Variants in CEP164 observed in about 807,000 individuals in gnomAD.
CEP164 encodes the protein centrosomal protein 164.
CEP164 carries 162 observed loss-of-function variants against 182.7 expected under a neutral mutation model. The observed-to-expected ratio is 0.89, with a 90% CI of 0.78 to 1.01. The LOEUF is 1.01. CEP164 is among the 50% of genes least tolerant of loss of function. The pLI is 0.00. For synonymous variants in CEP164, 661 were observed against 690.0 expected (o/e 0.96, Z 0.66); for missense variants, 1,735 against 1,790.4 (o/e 0.97, Z 0.56).
At position 117,392,486 on chromosome 11, in the gene CEP164, GCCT is replaced by G. The variant is rs763739191; in HGVS notation, c.2362-5_2362-3del. ...GTCACACTCCCCTGTGTGTGCGGGGGCCTCCTCAGGTGGTCTCCAGCCTCCAGA... is the reference window on the plus strand; with the variant it reads ...GTCACACTCCCCTGTGTGTGCGGGGGCCTCAGGTGGTCTCCAGCCTCCAGA... On this transcript the variant is annotated splice_region_variant and splice_polypyrimidine_tract_variant and intron_variant, in intron 18 of 32. Transcript: ENST00000278935. The G allele has an allele frequency of 2.5e-6, 4 of 1,611,782 alleles. No individual in the cohort carries two copies. The highest frequency in any genetic ancestry group is 2.5e-6 in the Non-Finnish European group (3 of 1,178,976).
chr11:117,393,899 G>A (rs915733971), intron 20 of CEP164, among the ~76,000 whole-genome samples: 2 of 152,214 alleles, frequency 1.3e-5, no homozygotes, highest in Non-Finnish European at 2.9e-5. Flanking sequence ...ACCCTGCAGG[G>A]TGTTAAGACT....
intron 8 of CEP164, 128 bp from the exon 9 acceptor site, chr11:117,370,952 C>A: frequency 2.1e-6 from 2 of 938,310 alleles, no homozygotes; most frequent in Non-Finnish European, 3.2e-6. Context: ...TGATTGATAA[C>A]CATTGGGGCA....
At position 117,390,913 on chromosome 11, in the gene CEP164, G is replaced by C. The variant is rs754697395; in HGVS notation, c.2066+5G>C. On this transcript the variant is annotated splice_donor_5th_base_variant and intron_variant, in intron 16 of 32. Transcript: ENST00000278935. ...AGCAGATGAGGACCAAATCAGGTAA[G>C]TGTGTGCTTACCTGTGAGCTGCCCA... 8 of 1,613,902 alleles carry C rather than the reference G, an allele frequency of 5.0e-6. No homozygotes were observed. The highest frequency in any genetic ancestry group is 1.7e-4 in the Middle Eastern group (1 of 6,060).
At chr11:117,347,955 TTTG>T (rs530021219) in intron 4 of CEP164, among the ~76,000 whole-genome samples, 16 of 151,376 alleles carry the variant, frequency 1.1e-4, no homozygotes, top group South Asian at 4.2e-4. Context: ...CTGAAGTTGG[TTTG>T]TTGTTGTTGT....
At chr11:117,398,857 C>T (rs1323102450) in intron 27 of CEP164, among the ~76,000 whole-genome samples, 1 of 152,210 alleles carries the variant, frequency 6.6e-6, no homozygotes, top group Non-Finnish European at 1.5e-5. Flanking sequence ...AGGGGCTGCC[C>T]ATGAAGACCT....
chr11:117,322,337 G>T (rs912314641), intron 1 of CEP164, among the ~76,000 whole-genome samples: 2 of 151,968 alleles, frequency 1.3e-5, no homozygotes, highest in Admixed American at 1.3e-4. Flanking sequence ...GGATGGTCTC[G>T]ATCTCCTGAC....
chr11:117,363,610 C>A, intron 8 of CEP164, 104 bp downstream of exon 8: 2 of 766,778 alleles, frequency 2.6e-6, no homozygotes, highest in East Asian at 2.6e-5. Flanking sequence ...GAAAAAGAAC[C>A]ATTTTGTCCC....
chr11:117,325,178 G>A (rs542959548), upstream of CEP164, among the ~76,000 whole-genome samples: 2 of 152,230 alleles, frequency 1.3e-5, no homozygotes, highest in African/African-American at 2.4e-5. Flanking sequence ...CCTGCCTCTC[G>A]GGTTCAAGCG....
At chr11:117,324,785 T>C (rs1048714054), upstream of CEP164, among the ~76,000 whole-genome samples, 2 of 152,128 alleles carry the variant, frequency 1.3e-5, no homozygotes, top group African/African-American at 2.4e-5. Context: ...GTGGATCACC[T>C]GAGGTCAGGA....
At chr11:117,385,907 C>T (rs1399474511) in intron 14 of CEP164, 2 of 152,218 alleles carry the variant, frequency 1.3e-5, no homozygotes, top group Non-Finnish European at 2.9e-5. Context: ...GTAGCCTGTC[C>T]TGTCTTCCTC....
intron 19 of CEP164, 29 bp from the exon 20 acceptor site, chr11:117,392,975 A>G (rs1437565974): frequency 1.2e-6 from 2 of 1,611,442 alleles, no homozygotes; most frequent in African/African-American, 2.7e-5. Flanking sequence ...TCGGTTCTTC[A>G]TGCCACATCC....
In CEP164 at chr11:117,379,514, T is replaced by C. The variant is rs576256432; in HGVS notation, c.1318-1100T>C. ...AGGATGGGGACTGGCACTGGCAGAG[T>C]CTTTTCTTTTTGTTTTTTACCTTAG... On this transcript the variant is annotated intron_variant, in intron 11 of 32. Transcript: ENST00000278935. 3.3e-5 allele frequency among the ~76,000 whole-genome samples: 5 copies of C among 151,724 alleles called. No individual in the cohort carries two copies. The East Asian group carries it at 9.7e-4, about 29-fold the overall frequency.
chr11:117,358,140 A>T (rs1439336094), intron 5 of CEP164, among the ~76,000 whole-genome samples: 1 of 152,216 alleles, frequency 6.6e-6, no homozygotes. Flanking sequence ...AATATCGGAT[A>T]AGCTGCAGAT....
At chr11:117,351,733 T>C in intron 4 of CEP164, 57 bp from the exon 5 acceptor site, 16 of 1,507,488 alleles carry the variant, frequency 1.1e-5, no homozygotes, top group Non-Finnish European at 1.3e-5. Flanking sequence ...CCCCTCTTTT[T>C]TTTTTCTTCT....
At chr11:117,361,720 A>G (rs1263808837) in intron 5 of CEP164, 115 bp from the exon 6 acceptor site, 3 of 995,392 alleles carry the variant, frequency 3.0e-6, no homozygotes, top group African/African-American at 1.6e-5. Context: ...CTCTGAGCGG[A>G]GGTGGTTTAA....
At position 117,395,201 on chromosome 11, in the gene CEP164, C is replaced by T. The variant is rs1221685717; in HGVS notation, c.2913+10C>T. On this transcript the variant is annotated intron_variant, in intron 23 of 32. Transcript: ENST00000278935. ...TGCTCTGAAGAGTGAGGTTTGTCTC[C>T]CTGTTTTGTCCTCCCTCCTGTTCTT... The T allele has an allele frequency of 2.5e-6, 4 of 1,612,684 alleles. No homozygotes were observed. In the Admixed American group the frequency reaches 5.0e-5, roughly 20 times the overall value.
chr11:117,377,469 A>C (rs1018524875), intron 11 of CEP164, among the ~76,000 whole-genome samples: 2 of 152,198 alleles, frequency 1.3e-5, no homozygotes, highest in Non-Finnish European at 2.9e-5. Flanking sequence ...CAAGTAGCCA[A>C]GCCTTTGCAG....
intron 3 of CEP164, among the ~76,000 whole-genome samples, chr11:117,340,011 T>C (rs1416919768): frequency 2.0e-5 from 3 of 151,982 alleles, no homozygotes; most frequent in African/African-American, 7.2e-5. Flanking sequence ...CTGTACTTTG[T>C]TCTTTGTTTT....
intron 1 of CEP164, among the ~76,000 whole-genome samples, chr11:117,334,801 AAAG>A (rs1238752405): frequency 2.6e-5 from 4 of 151,874 alleles, no homozygotes; most frequent in Non-Finnish European, 4.4e-5. Context: ...AAAAAAAAAA[AAAG>A]GTAAATATAG....
Sources: gnomAD v4.1 joint callset for allele counts (sites outside exome capture counted in the v4.1 genomes callset) on GRCh38, gnomAD v4.1.1 for gene constraint, MANE v1.5 for transcripts, NCBI Gene and HGNC (gene_info 2026-07-23, HGNC 2026-07-21) for gene names.